The following PCNX2 variants were observed in gnomAD, a reference collection of about 807,000 sequenced individuals.
PCNX2 encodes the protein pecanex-like protein 2.
Under a neutral mutation model 223.8 loss-of-function variants are expected in PCNX2, and 168 were observed. The observed-to-expected ratio is 0.75, with a 90% confidence interval of 0.66 to 0.85. The LOEUF (loss-of-function observed/expected upper bound fraction) is 0.85, where lower values mean the gene tolerates loss of function less well. Among genes scored for constraint, PCNX2 ranks in the 40% least tolerant of loss-of-function variants. The pLI, the probability that PCNX2 is intolerant of heterozygous loss-of-function variation, is 0.00. For synonymous variants in PCNX2, 1,006 were observed against 1,052.6 expected, an observed-to-expected ratio of 0.96 and a Z score of 0.86; for missense variants, 2,507 against 2,675.5, an observed-to-expected ratio of 0.94 and a Z score of 1.39.
At chr1:233,010,742 A>G (rs1427969839) in intron 28 of PCNX2, among the ~76,000 whole-genome samples, 1 of 152,232 alleles carries the variant, frequency 6.6e-6, no homozygotes, top group African/African-American at 2.4e-5. Flanking sequence ...TTCCATCTCC[A>G]TAACATATCA....
the PCNX2 span, among the ~76,000 whole-genome samples, chr1:233,320,621 G>A: frequency 5.3e-5 from 8 of 152,220 alleles, no homozygotes; most frequent in South Asian, 1.2e-3. Flanking sequence ...AGTAGTAGTC[G>A]CTTAAAGATT....
At chr1:233,266,977 T>A (rs1245452297) in intron 1 of PCNX2, among the ~76,000 whole-genome samples, 1 of 151,994 alleles carries the variant, frequency 6.6e-6, no homozygotes, top group Non-Finnish European at 1.5e-5. Flanking sequence ...GGCTCATAGC[T>A]CTAGCTGCCT....
chr1:233,269,529 T>C (rs1413639821), intron 1 of PCNX2, among the ~76,000 whole-genome samples: 1 of 152,190 alleles, frequency 6.6e-6, no homozygotes, highest in Non-Finnish European at 1.5e-5. Flanking sequence ...ATCACTACAA[T>C]AGCATAATAT....
intron 25 of PCNX2, among the ~76,000 whole-genome samples, chr1:233,034,469 G>A (rs1671379258): frequency 6.6e-6 from 1 of 152,182 alleles, no homozygotes; most frequent in African/African-American, 2.4e-5. Context: ...AATGTTTGTT[G>A]TCTAAGCCGC....
chr1:233,251,917 G>A (rs1659476287), intron 7 of PCNX2, among the ~76,000 whole-genome samples: 1 of 152,240 alleles, frequency 6.6e-6, no homozygotes, highest in African/African-American at 2.4e-5. Context: ...GGTCAGGTGT[G>A]CAACACAGGT....
chr1:233,200,305 C>A, intron 13 of PCNX2, 41 bp from the exon 14 acceptor site: 1 of 1,429,652 alleles, frequency 7.0e-7, no homozygotes, highest in Non-Finnish European at 9.6e-7. Flanking sequence ...GCATGGGGAA[C>A]TGTGTTGCCA....
chr1:232,998,405 A>T lies in PCNX2; in HGVS notation c.5637T>A (p.Ser1879Arg). The change falls in exon 32 of 34, where the codon AGT (serine) becomes AGA (arginine). Residue 1879 changes from serine to arginine, a missense_variant. Around this residue, in one of 3 missense-constraint regions of PCNX2, gnomAD observed 1,372 missense variants for 1,509.4 expected, o/e 0.91. Transcript: ENST00000258229. Reference sequence around the variant, plus strand: ...CGTCCACGTCTTCAATGTTGCCGCCACTGTGCTGGCGGGCATTGCAATCCT... The same window carrying T: ...CGTCCACGTCTTCAATGTTGCCGCCTCTGTGCTGGCGGGCATTGCAATCCT... ...MRKDCNARQH[S>R]GGNIEDVDGG... The T allele has an allele frequency of 1.9e-6, 3 of 1,612,734 alleles. No homozygotes were observed. The highest frequency in any genetic ancestry group is 2.5e-6 in the Non-Finnish European group (3 of 1,179,572).
chr1:233,292,327 C>G (rs143953163), intron 1 of PCNX2, among the ~76,000 whole-genome samples: 17 of 151,534 alleles, frequency 1.1e-4, no homozygotes, highest in African/African-American at 3.9e-4. Context: ...CTGTCTCAGC[C>G]TTCATGAGTC....
the PCNX2 span, among the ~76,000 whole-genome samples, chr1:233,317,675 G>A: frequency 6.6e-6 from 1 of 151,912 alleles, no homozygotes; most frequent in African/African-American, 2.4e-5. Flanking sequence ...GGGGCGGGGG[G>A]AGAAGGGATA....
In PCNX2 at chr1:233,199,795, TACACAC is replaced by T. The variant is rs60556502; in HGVS notation, c.2974+353_2974+358del. Reference sequence around the variant, plus strand: ...AGACTTGAGCATGTGTGTGCTCAAATACACACACACACACACACACACACACTTATA... The same window carrying T: ...AGACTTGAGCATGTGTGTGCTCAAATACACACACACACACACACACTTATA... On this transcript the variant is annotated intron_variant, in intron 14 of 33. Coordinates refer to ENST00000258229, the MANE Select transcript of PCNX2 (RefSeq NM_014801.4). Among the ~76,000 whole-genome samples the T allele has an allele frequency of 1.8e-3, 260 of 147,932 alleles. 1 individual carries two copies. Among genetic ancestry groups the T allele is most frequent in the African/African-American group, 5.5e-3 (223 of 40,392 alleles).
At position 233,236,869 on chromosome 1, in the gene PCNX2, G is replaced by A. The variant is rs758791756; in HGVS notation, c.2334C>T (p.Arg778=). ...LQQQLLLMVA[R]RTQSETPRHV... ...CCCGTGGGGTTTCCGACTGGGTCCT[G>A]CGAGCCACCATCAGTAACAGCTGTT... The change falls in exon 9 of 34, where the codon CGC becomes CGT. Residue 778 remains arginine, a synonymous_variant. Coordinates refer to ENST00000258229, the MANE Select transcript of PCNX2 (RefSeq NM_014801.4). 1 of 1,613,874 alleles carries A rather than the reference G, an allele frequency of 6.2e-7. No individual in the cohort carries two copies. Among genetic ancestry groups the A allele is most frequent in the South Asian group, 1.1e-5 (1 of 91,076 alleles).
chr1:233,157,602 T>C (rs1678205121), intron 19 of PCNX2, among the ~76,000 whole-genome samples: 1 of 152,178 alleles, frequency 6.6e-6, no homozygotes, highest in African/African-American at 2.4e-5. Flanking sequence ...TATGTGAGCA[T>C]CACTTTCACA....
At chr1:233,305,351 G>C in the PCNX2 span, among the ~76,000 whole-genome samples, 21 of 152,110 alleles carry the variant, frequency 1.4e-4, no homozygotes, top group African/African-American at 5.1e-4. Flanking sequence ...ATATAATATT[G>C]AAATGAAGCT....
chr1:233,230,054 T>C (rs1657971728), intron 9 of PCNX2, among the ~76,000 whole-genome samples: 2 of 152,218 alleles, frequency 1.3e-5, no homozygotes, highest in South Asian at 4.1e-4. Flanking sequence ...GTAGGTTATA[T>C]AAACCAAATG....
chr1:233,316,926 G>T, the PCNX2 span, among the ~76,000 whole-genome samples: 1 of 152,068 alleles, frequency 6.6e-6, no homozygotes, highest in African/African-American at 2.4e-5. Context: ...TAAGCTCCAT[G>T]GTAACAGGCA....
At chr1:233,203,495 C>T (rs1681252629) in intron 13 of PCNX2, among the ~76,000 whole-genome samples, 1 of 152,100 alleles carries the variant, frequency 6.6e-6, no homozygotes, top group Non-Finnish European at 1.5e-5. Flanking sequence ...TATGAGGGAT[C>T]ATAAAAGAAA....
At chr1:233,179,807 C>G (rs1572029703) in intron 15 of PCNX2, among the ~76,000 whole-genome samples, 1 of 152,246 alleles carries the variant, frequency 6.6e-6, no homozygotes, top group East Asian at 1.9e-4. Flanking sequence ...TAGCTCATAG[C>G]TTATGCCCCT....
At chr1:233,299,864 T>C (rs1401800490), upstream of PCNX2, among the ~76,000 whole-genome samples, 3 of 152,212 alleles carry the variant, frequency 2.0e-5, no homozygotes, top group Non-Finnish European at 2.9e-5. Flanking sequence ...CAGAGTGCTC[T>C]ATATAAAATA....
chr1:233,077,726 AAATATAAAT>A (rs1470099065), intron 23 of PCNX2, among the ~76,000 whole-genome samples: 1 of 152,188 alleles, frequency 6.6e-6, no homozygotes, highest in Admixed American at 6.5e-5. Flanking sequence ...ATATAAAAAG[AAATATAAAT>A]ATTAAATTGC....
Sources: allele counts gnomAD v4.1 joint callset (sites outside exome capture counted in the v4.1 genomes callset), GRCh38; gene constraint gnomAD v4.1.1; regional missense constraint gnomAD v4.1.1; transcripts MANE v1.5; gene names NCBI Gene and HGNC (gene_info 2026-07-23, HGNC 2026-07-21).